Variants in MYO1B observed in about 807,000 individuals in gnomAD.
The protein encoded by MYO1B is unconventional myosin-Ib.
A neutral mutation model predicts 159.7 loss-of-function variants in MYO1B; 72 were observed. That is an observed-to-expected ratio of 0.45 (90% CI 0.37 to 0.55). The LOEUF (loss-of-function observed/expected upper bound fraction) is 0.55, where lower values mean the gene tolerates loss of function less well. MYO1B is among the 20% of genes least tolerant of loss of function. The pLI, the probability that MYO1B is intolerant of heterozygous loss-of-function variation, is 0.00. For missense variants in MYO1B, 1,062 were observed against 1,364.8 expected, an observed-to-expected ratio of 0.78 and a Z score of 3.50; for synonymous variants, 468 against 473.8, an observed-to-expected ratio of 0.99 and a Z score of 0.16.
chr2:191,323,640 G>C (rs971790785), intron 3 of MYO1B, among the ~76,000 whole-genome samples: 3 of 152,098 alleles, frequency 2.0e-5, no homozygotes, highest in African/African-American at 7.2e-5. Context: ...TTGAAAACAA[G>C]TATGATTCTA....
chr2:191,391,681 C>T (rs1010131124), intron 18 of MYO1B, among the ~76,000 whole-genome samples: 2 of 152,150 alleles, frequency 1.3e-5, no homozygotes, highest in Non-Finnish European at 2.9e-5. Flanking sequence ...TCCCGTTGGT[C>T]TGGGACTGTT....
chr2:191,310,872 TAATG>T (rs1424741942), intron 3 of MYO1B, among the ~76,000 whole-genome samples: 2 of 152,236 alleles, frequency 1.3e-5, no homozygotes, highest in Non-Finnish European at 2.9e-5. Flanking sequence ...TGCAATTTTT[TAATG>T]AATGAGTGGT....
intron 20 of MYO1B, among the ~76,000 whole-genome samples, chr2:191,394,001 G>A (rs777852739): frequency 1.3e-5 from 2 of 152,064 alleles, no homozygotes; most frequent in Non-Finnish European, 2.9e-5. Flanking sequence ...TTGCTATAGG[G>A]CTGTATATAA....
chr2:191,278,255 A>C (rs1378157), intron 2 of MYO1B, among the ~76,000 whole-genome samples: 146,879 of 152,300 alleles, frequency 0.96, 71,034 homozygotes, highest in East Asian at 1. Context: ...GGCGCCTTCT[A>C]ACTGTGTCCT....
intron 1 of MYO1B, among the ~76,000 whole-genome samples, chr2:191,266,533 T>G (rs1192887484): frequency 1.3e-5 from 2 of 152,194 alleles, no homozygotes; most frequent in Non-Finnish European, 2.9e-5. Flanking sequence ...TGCAGTGTTG[T>G]GAAGAGCTTG....
At chr2:191,274,868 G>A (rs1336778293) in intron 1 of MYO1B, among the ~76,000 whole-genome samples, 4 of 152,092 alleles carry the variant, frequency 2.6e-5, no homozygotes, top group South Asian at 4.2e-4. Context: ...TCTTTGGGCC[G>A]ACGTTGTTGA....
chr2:191,306,892 G>A (rs1689679645), intron 3 of MYO1B, among the ~76,000 whole-genome samples: 1 of 152,142 alleles, frequency 6.6e-6, no homozygotes, highest in African/African-American at 2.4e-5. Context: ...TCTGATACCA[G>A]GTGTGTGACA....
intron 30 of MYO1B, among the ~76,000 whole-genome samples, chr2:191,421,216 T>C (rs767268080): frequency 1.3e-4 from 19 of 151,882 alleles, no homozygotes; most frequent in Admixed American, 4.6e-4. Context: ...GTTACAGGCA[T>C]GCACCACCAC....
intron 1 of MYO1B, among the ~76,000 whole-genome samples, chr2:191,257,352 G>A (rs1448045440): frequency 6.6e-6 from 1 of 152,166 alleles, no homozygotes; most frequent in Non-Finnish European, 1.5e-5. Flanking sequence ...TTGAGGGGAT[G>A]TTGAAGTTAA....
intron 3 of MYO1B, among the ~76,000 whole-genome samples, chr2:191,300,222 T>C (rs1416397161): frequency 6.6e-6 from 1 of 152,178 alleles, no homozygotes; most frequent in Non-Finnish European, 1.5e-5. Context: ...ACTGTAAATA[T>C]TTCATGAATT....
chr2:191,251,576 T>C (rs1686120858), intron 1 of MYO1B, among the ~76,000 whole-genome samples: 1 of 152,228 alleles, frequency 6.6e-6, no homozygotes, highest in African/African-American at 2.4e-5. Flanking sequence ...CTTCCTGGAC[T>C]CAAGATGCTT....
intron 3 of MYO1B, among the ~76,000 whole-genome samples, chr2:191,328,830 T>C (rs1020421990): frequency 2.6e-5 from 4 of 152,214 alleles, no homozygotes; most frequent in African/African-American, 9.6e-5. Flanking sequence ...CATTCATTCT[T>C]TAGGACTGAG....
chr2:191,327,293 G>A (rs1030199947), intron 3 of MYO1B, among the ~76,000 whole-genome samples: 2 of 152,134 alleles, frequency 1.3e-5, no homozygotes, highest in Admixed American at 1.3e-4. Flanking sequence ...CATAAACATG[G>A]CATAAAGATT....
chr2:191,416,210 C>G lies in MYO1B; in HGVS notation c.3255C>G (p.Thr1085=). Reference sequence around the variant, plus strand: ...TCTATCGCACAACTCTCAGCCAAACCAAACAGAAGCTCAATATTGAGATTT... The same window carrying G: ...TCTATCGCACAACTCTCAGCCAAACGAAACAGAAGCTCAATATTGAGATTT... ...TKLYRTTLSQ[T]KQKLNIEISD... The change falls in exon 30 of 31, where the codon ACC becomes ACG. Residue 1085 remains threonine, a synonymous_variant. Coordinates refer to ENST00000392318, the MANE Select transcript of MYO1B (RefSeq NM_001130158.3). 6 of 1,614,142 alleles carry G rather than the reference C, an allele frequency of 3.7e-6. No homozygotes were observed. Among genetic ancestry groups the G allele is most frequent in the Non-Finnish European group, 5.1e-6 (6 of 1,180,028 alleles).
rs138298157 is a variant in MYO1B at position 191,343,779 on chromosome 2, A to C, written c.451+2214A>C. Reference sequence around the variant, plus strand: ...TTTGGAACTAGGCTCCAGTGCAGGAAATAGAAGAAATGTCTACTGTGGGCA... The same window carrying C: ...TTTGGAACTAGGCTCCAGTGCAGGACATAGAAGAAATGTCTACTGTGGGCA... On this transcript the variant is annotated intron_variant, in intron 5 of 30. Transcript: ENST00000392318. Among the ~76,000 whole-genome samples, 71 of 152,308 alleles carry C rather than the reference A, an allele frequency of 4.7e-4. 2 individuals carry two copies. The East Asian group carries it at 0.013, about 28-fold the overall frequency.
chr2:191,399,178 A>G (rs1174496947), intron 21 of MYO1B, among the ~76,000 whole-genome samples: 1 of 152,148 alleles, frequency 6.6e-6, no homozygotes, highest in Non-Finnish European at 1.5e-5. Context: ...AGGCAGGAGA[A>G]TCAGGCAGGG....
chr2:191,331,671 GT>G (rs1260203916), intron 4 of MYO1B, among the ~76,000 whole-genome samples: 1 of 152,204 alleles, frequency 6.6e-6, no homozygotes, highest in Non-Finnish European at 1.5e-5. Flanking sequence ...ACTAGGGACT[GT>G]CCTTGCCCTT....
Position 191,390,304 on chromosome 2 carries a change from G to T in MYO1B, c.1794G>T (p.Pro598=), listed in dbSNP as rs73984118. The change falls in exon 18 of 31, where the codon CCG becomes CCT. Residue 598 remains proline (P), a synonymous_variant. Coordinates refer to ENST00000392318, the MANE Select transcript of MYO1B (RefSeq NM_001130158.3). ...KNPNYIRCIK[P]NDKKAAHIFN... is the part of the protein sequence containing the mutation. Reference sequence around the variant, plus strand: ...TGTGATCTTTAAGGTGTATCAAACCGAATGATAAAAAAGCAGCACACATCT... The same window carrying T: ...TGTGATCTTTAAGGTGTATCAAACCTAATGATAAAAAAGCAGCACACATCT... 1.2e-6 allele frequency: 2 copies of T among 1,613,122 alleles called. No homozygotes were observed. Among genetic ancestry groups the T allele is most frequent in the Admixed American group, 3.3e-5 (2 of 59,936 alleles).
At chr2:191,402,276 G>A (rs1040211117) in intron 23 of MYO1B, 2 of 289,806 alleles carry the variant, frequency 6.9e-6, no homozygotes, top group South Asian at 7.2e-5. Context: ...CATTAGGGCT[G>A]TTACTCAGAG....
Sources: gnomAD v4.1 joint callset for allele counts (sites outside exome capture counted in the v4.1 genomes callset) on GRCh38, gnomAD v4.1.1 for gene constraint, MANE v1.5 for transcripts, NCBI Gene and HGNC (gene_info 2026-07-23, HGNC 2026-07-21) for gene names.